The following ZDHHC14 variants were observed in gnomAD, a reference collection of about 807,000 sequenced individuals.
ZDHHC14 encodes the protein palmitoyltransferase ZDHHC14.
ZDHHC14 carries 16 observed loss-of-function variants against 47.7 expected under a neutral mutation model. That is an observed-to-expected ratio of 0.34 (90% CI 0.23 to 0.51). The LOEUF (loss-of-function observed/expected upper bound fraction) is 0.51. ZDHHC14 is among the 20% of genes least tolerant of loss of function. The pLI, the probability that ZDHHC14 is intolerant of heterozygous loss-of-function variation, is 0.97. For synonymous variants in ZDHHC14, 293 were observed against 278.9 expected, an observed-to-expected ratio of 1.05 and a Z score of -0.50; for missense variants, 515 against 662.5, an observed-to-expected ratio of 0.78 and a Z score of 2.44.
intron 2 of ZDHHC14, among the ~76,000 whole-genome samples, chr6:157,553,181 G>A (rs918651644): frequency 5.3e-5 from 8 of 152,178 alleles, no homozygotes; most frequent in Admixed American, 4.6e-4. Context: ...GATTCCAGGC[G>A]AAGGCAGGCC....
rs1284429244 is a variant in ZDHHC14 at position 157,540,910 on chromosome 6, G to GTGTGTGTGTATATATA, written c.246-1674_246-1673insGTGTGTGTATATATAT. 2.4e-5 allele frequency among the ~76,000 whole-genome samples: 3 copies of GTGTGTGTGTATATATA among 122,978 alleles called. 1 individual carries two copies. Among genetic ancestry groups the GTGTGTGTGTATATATA allele is most frequent in the African/African-American group, 1.3e-4 (3 of 23,066 alleles). 80.7% of individuals were successfully genotyped at this position (122,978 alleles called of 152,430 possible). ...TGTATGTGTGTGTGTGTGTGTGTGTGTATATATATATATATATATATATAA... is the reference window on the plus strand; with the variant it reads ...TGTATGTGTGTGTGTGTGTGTGTGTGTGTGTGTGTATATATATATATATATATATATATATATATAA... On this transcript the variant is annotated intron_variant, in intron 1 of 8. Coordinates refer to ENST00000359775, the MANE Select transcript of ZDHHC14 (RefSeq NM_024630.3).
At chr6:157,443,593 G>A (rs998593956) in intron 1 of ZDHHC14, among the ~76,000 whole-genome samples, 1 of 152,208 alleles carries the variant, frequency 6.6e-6, no homozygotes, top group Non-Finnish European at 1.5e-5. Context: ...ACTCACAGTG[G>A]CTGCCATCAC....
At chr6:157,636,604 T>G (rs182825734) in intron 5 of ZDHHC14, among the ~76,000 whole-genome samples, 1 of 152,140 alleles carries the variant, frequency 6.6e-6, no homozygotes, top group East Asian at 1.9e-4. Flanking sequence ...AGACTTAACT[T>G]TAAACCCAGA....
rs1783700662 is a variant in ZDHHC14 at position 157,586,453 on chromosome 6, C to T, written c.407-6535C>T. On this transcript the variant is annotated intron_variant, in intron 2 of 8. Transcript: ENST00000359775. This position sits in a 1 kb window ranked among gnomAD's most constrained non-coding sequence, Gnocchi z 4.6. ...GCTCAGGGAAACCCAAGGAGGCCAC[C>T]GTGTTTTGAGCATAGGCTCCATGGA... is the stretch of plus-strand genomic sequence containing the variant. Among the ~76,000 whole-genome samples, 1 of 152,160 alleles carries T rather than the reference C, an allele frequency of 6.6e-6. No homozygotes were observed. The highest frequency in any genetic ancestry group is 2.4e-5 in the African/African-American group (1 of 41,430).
intron 1 of ZDHHC14, among the ~76,000 whole-genome samples, chr6:157,516,900 A>T (rs1219890765): frequency 1.3e-5 from 2 of 152,202 alleles, no homozygotes; most frequent in Non-Finnish European, 2.9e-5. Flanking sequence ...TCTGTATCAC[A>T]TAGACACCAA....
intron 2 of ZDHHC14, 175 bp from the exon 3 acceptor site, chr6:157,592,813 C>CG (rs778500141): frequency 1.6e-4 from 231 of 1,423,046 alleles, no homozygotes; most frequent in Non-Finnish European, 2.0e-4. Context: ...CGAAGGAGGC[C>CG]GGGGTCCCAG....
chr6:157,431,463 T>G (rs894201292), intron 1 of ZDHHC14, among the ~76,000 whole-genome samples: 6 of 152,132 alleles, frequency 3.9e-5, no homozygotes, highest in African/African-American at 1.4e-4. Flanking sequence ...GAACGCACTG[T>G]GTTGGGAAAG....
intron 1 of ZDHHC14, among the ~76,000 whole-genome samples, chr6:157,389,085 G>T (rs1777372073): frequency 6.6e-6 from 1 of 151,916 alleles, no homozygotes; most frequent in Non-Finnish European, 1.5e-5. Flanking sequence ...ATTTAATATG[G>T]ATTTAACATA....
chr6:157,670,355 G>T (rs560187554), intron 8 of ZDHHC14, among the ~76,000 whole-genome samples: 24 of 152,286 alleles, frequency 1.6e-4, no homozygotes, highest in Admixed American at 1.5e-3. Context: ...GTACAGTGGC[G>T]TGATCTCAGC....
At chr6:157,527,518 G>A (rs565352854) in intron 1 of ZDHHC14, among the ~76,000 whole-genome samples, 3 of 152,154 alleles carry the variant, frequency 2.0e-5, no homozygotes, top group Non-Finnish European at 4.4e-5. Context: ...CCAGGGGAGA[G>A]TAAGAGTCAA....
At chr6:157,389,333 A>C (rs536691986) in intron 1 of ZDHHC14, among the ~76,000 whole-genome samples, 1 of 152,306 alleles carries the variant, frequency 6.6e-6, no homozygotes, top group East Asian at 1.9e-4. Flanking sequence ...AGACCATTGA[A>C]GAGTAAGTTG....
intron 5 of ZDHHC14, among the ~76,000 whole-genome samples, chr6:157,642,524 G>A (rs1777304089): frequency 6.6e-6 from 1 of 152,168 alleles, no homozygotes; most frequent in South Asian, 2.1e-4. Flanking sequence ...TTAGGCTAGG[G>A]CTGTGGGGAA....
intron 1 of ZDHHC14, among the ~76,000 whole-genome samples, chr6:157,467,482 A>G (rs1779247047): frequency 6.6e-6 from 1 of 151,608 alleles, no homozygotes; most frequent in Non-Finnish European, 1.5e-5. Context: ...GGGTTTATCC[A>G]TGTTGTAGTA....
intron 1 of ZDHHC14, among the ~76,000 whole-genome samples, chr6:157,416,761 A>G (rs1422353749): frequency 6.6e-6 from 1 of 150,442 alleles, no homozygotes; most frequent in African/African-American, 2.4e-5. Context: ...ATGAAAACTA[A>G]TTCACCTCCC....
chr6:157,524,626 A>G (rs989628918), intron 1 of ZDHHC14, among the ~76,000 whole-genome samples: 1 of 152,234 alleles, frequency 6.6e-6, no homozygotes, highest in Non-Finnish European at 1.5e-5. Flanking sequence ...CACCTTGAAC[A>G]TAGTCATTTA....
At chr6:157,540,444 A>G (rs35231888) in intron 1 of ZDHHC14, among the ~76,000 whole-genome samples, 2 of 152,162 alleles carry the variant, frequency 1.3e-5, no homozygotes, top group African/African-American at 4.8e-5. Context: ...AAAGGAAAAA[A>G]TAAGCACACC....
chr6:157,522,638 T>A (rs1284239942), intron 1 of ZDHHC14, among the ~76,000 whole-genome samples: 1 of 151,560 alleles, frequency 6.6e-6, no homozygotes, highest in East Asian at 1.9e-4. Context: ...ATTTTTATGA[T>A]ATTAATAATA....
chr6:157,539,389 G>C lies in ZDHHC14; in HGVS notation c.246-3196G>C, dbSNP rs186351780. On this transcript the variant is annotated intron_variant, in intron 1 of 8. Coordinates refer to ENST00000359775, the MANE Select transcript of ZDHHC14 (RefSeq NM_024630.3). ...ACTGCACTCCAGCCTGGGCAGCAGA[G>C]TGAGGCCCTGTCTCCAGAAAGATAA... Among the ~76,000 whole-genome samples, 227 of 152,158 alleles carry C rather than the reference G, an allele frequency of 1.5e-3. 1 individual carries two copies. Among genetic ancestry groups the C allele is most frequent in the Non-Finnish European group, 1.1e-3 (73 of 68,010 alleles).
At chr6:157,611,805 C>CT (rs1289181007) in intron 3 of ZDHHC14, among the ~76,000 whole-genome samples, 1 of 152,208 alleles carries the variant, frequency 6.6e-6, no homozygotes, top group Non-Finnish European at 1.5e-5. Context: ...GTTTGTGCAT[C>CT]TTTTTGACCG....
Sources: allele counts gnomAD v4.1 joint callset (sites outside exome capture counted in the v4.1 genomes callset), GRCh38; gene constraint gnomAD v4.1.1; non-coding constraint Gnocchi (gnomAD v3.1); transcripts MANE v1.5; gene names NCBI Gene and HGNC (gene_info 2026-07-23, HGNC 2026-07-21).